Variants in ATP8B1 observed in about 807,000 individuals in gnomAD.
ATP8B1 encodes the protein ATPase phospholipid transporting 8B1.
In ATP8B1, 80 loss-of-function variants were observed where a neutral mutation model predicts 149.9. The observed-to-expected ratio is 0.53, with a 90% CI of 0.45 to 0.64. The LOEUF (loss-of-function observed/expected upper bound fraction) is 0.64, where lower values mean the gene tolerates loss of function less well. Ranked by LOEUF, ATP8B1 falls within the 30% of genes least tolerant of loss-of-function variation. The pLI is 0.00. For missense variants in ATP8B1, 1,247 were observed against 1,552.6 expected, an observed-to-expected ratio of 0.80 and a Z score of 3.31; for synonymous variants, 536 against 562.8, an observed-to-expected ratio of 0.95 and a Z score of 0.67.
rs1025701678 is a variant in ATP8B1 at position 57,650,336 on chromosome 18, C to G, written c.3531+31G>C. 3.1e-6 allele frequency: 5 copies of G among 1,608,132 alleles called. No individual in the cohort carries two copies. In the African/African-American group the frequency reaches 5.4e-5, roughly 17 times the overall value. On this transcript the variant is annotated intron_variant, in intron 27 of 27. Coordinates refer to ENST00000648908, the MANE Select transcript of ATP8B1 (RefSeq NM_001374385.1). ...GAAACGCTTTGGTTTCTGTGAGGGA[C>G]AGAGTTGGGAAAGGACTATATTCTT...
chr18:57,765,460 G>C (rs936323041), intron 1 of ATP8B1, among the ~76,000 whole-genome samples: 1 of 152,102 alleles, frequency 6.6e-6, no homozygotes, highest in Non-Finnish European at 1.5e-5. Flanking sequence ...ACAAGGTCAG[G>C]AGTTCGAGAC....
At chr18:57,713,607 C>T (rs1321157379) in intron 2 of ATP8B1, among the ~76,000 whole-genome samples, 1 of 151,768 alleles carries the variant, frequency 6.6e-6, no homozygotes, top group Non-Finnish European at 1.5e-5. Context: ...TCTCCTGCCT[C>T]AGCCTCCCGA....
rs530045096 is a variant in ATP8B1 at position 57,654,762 on chromosome 18, C to G, written c.2931+432G>C. ...AGTGCAATAGCGCAGTCTCGGCTCA[C>G]CACAACCTCTGCCTCCCAGGTTCAA... On this transcript the variant is annotated intron_variant, in intron 23 of 27. Coordinates refer to ENST00000648908, the MANE Select transcript of ATP8B1 (RefSeq NM_001374385.1). 1.1e-4 allele frequency among the ~76,000 whole-genome samples: 16 copies of G among 149,228 alleles called. No homozygotes were observed. The South Asian group carries it at 3.4e-3, about 32-fold the overall frequency.
intron 1 of ATP8B1, among the ~76,000 whole-genome samples, chr18:57,782,920 C>T (rs2080371306): frequency 7.1e-6 from 1 of 141,532 alleles, no homozygotes; most frequent in Non-Finnish European, 1.5e-5. Flanking sequence ...TCAAGCAATT[C>T]TCGTGGCTCA....
chr18:57,664,314 C>T (rs1235065262), intron 20 of ATP8B1, among the ~76,000 whole-genome samples: 1 of 151,468 alleles, frequency 6.6e-6, no homozygotes, highest in Admixed American at 6.6e-5. Flanking sequence ...CGCAGCCAGA[C>T]TGGCCAACAT....
chr18:57,694,047 T>C (rs1912676912), intron 11 of ATP8B1, among the ~76,000 whole-genome samples: 1 of 152,202 alleles, frequency 6.6e-6, no homozygotes, highest in Non-Finnish European at 1.5e-5. Flanking sequence ...TTGTAATGAC[T>C]CACAGCTGTG....
chr18:57,728,460 AAG>A (rs1447780559), intron 2 of ATP8B1, among the ~76,000 whole-genome samples: 1 of 152,102 alleles, frequency 6.6e-6, no homozygotes, highest in African/African-American at 2.4e-5. Flanking sequence ...GAAGAGGGCA[AAG>A]AGAGGAAGGG....
chr18:57,740,417 T>G (rs2079900881), intron 1 of ATP8B1: 1 of 152,126 alleles, frequency 6.6e-6, no homozygotes, highest in South Asian at 2.1e-4. Flanking sequence ...TTCTATATGT[T>G]CTATGCTATA....
At chr18:57,731,383 T>G in intron 2 of ATP8B1, 1 of 365,770 alleles carries the variant, frequency 2.7e-6, no homozygotes, top group Non-Finnish European at 5.1e-6. Flanking sequence ...ATACACACAC[T>G]AACAAAGACC....
intron 1 of ATP8B1, among the ~76,000 whole-genome samples, chr18:57,778,988 G>A (rs2080334968): frequency 6.6e-6 from 1 of 152,086 alleles, no homozygotes; most frequent in South Asian, 2.1e-4. Context: ...TCCAAATTTG[G>A]CCAAAAGTAG....
At chr18:57,669,101 T>C (rs1383582230) in intron 18 of ATP8B1, 4 of 408,552 alleles carry the variant, frequency 9.8e-6, no homozygotes, top group African/African-American at 2.1e-5. Flanking sequence ...TTAGAACTTC[T>C]CCTAATGTAT....
Position 57,652,526 on chromosome 18 carries a change from G to T in ATP8B1, c.3219C>A (p.Ala1073=), listed in dbSNP as rs199499992. The stretch of plus-strand genomic sequence containing the variant: ...TTACAAGAGCAGAGGCAATGGTGAC[G>T]GCAAAAGACTGGTAGTCGGAAGGTG... ...GEAPSDYQSF[A]VTIASALVIT... Residue 1073 remains alanine, a synonymous_variant, in exon 25 of 28, where the codon GCC becomes GCA. Transcript: ENST00000648908. 1 of 1,614,176 alleles carries T rather than the reference G, an allele frequency of 6.2e-7. No homozygotes were observed. The highest frequency in any genetic ancestry group is 8.5e-7 in the Non-Finnish European group (1 of 1,180,042).
At chr18:57,729,541 C>T (rs1212976564) in intron 2 of ATP8B1, among the ~76,000 whole-genome samples, 7 of 79,958 alleles carry the variant, frequency 8.8e-5, no homozygotes, top group African/African-American at 9.7e-5. Flanking sequence ...ATTCCATTTT[C>T]TTTCTTTCTT....
At position 57,655,348 on chromosome 18, in the gene ATP8B1, A is replaced by G. The variant is rs571757448; in HGVS notation, c.2777T>C (p.Phe926Ser). The G allele has an allele frequency of 6.2e-7, 1 of 1,614,236 alleles. No individual in the cohort carries two copies. The highest frequency in any genetic ancestry group is 1.7e-5 in the Admixed American group (1 of 60,018). Residue 926 changes from phenylalanine (F) to serine (S), a missense_variant, in exon 23 of 28, where the codon TTT becomes TCT. Around this residue, in one of 3 missense-constraint regions of ATP8B1, gnomAD observed 230 missense variants for 356.6 expected, o/e 0.65. Transcript: ENST00000648908. ...MQAVMSSDYS[F>S]AQFRYLQRLL... ...CCTCTGCAGATATCGGAACTGAGCA[A>G]AGGAATAGTCACTCGACATGACAGC...
At chr18:57,657,960 C>A (rs1199041932) in intron 22 of ATP8B1, among the ~76,000 whole-genome samples, 3 of 152,136 alleles carry the variant, frequency 2.0e-5, no homozygotes, top group Non-Finnish European at 4.4e-5. Flanking sequence ...CCTGAAATCT[C>A]AAATGCGGTG....
At chr18:57,764,416 T>C (rs2080189383) in intron 1 of ATP8B1, among the ~76,000 whole-genome samples, 1 of 123,352 alleles carries the variant, frequency 8.1e-6, no homozygotes, top group African/African-American at 2.9e-5. Context: ...TTTCTCTCTT[T>C]CTCTCTTTCT....
intron 1 of ATP8B1, among the ~76,000 whole-genome samples, chr18:57,760,158 TGAC>T (rs1391574188): frequency 6.6e-6 from 1 of 152,026 alleles, no homozygotes; most frequent in Admixed American, 6.6e-5. Flanking sequence ...GGGGAAAAAA[TGAC>T]TAAAAATTAT....
intron 6 of ATP8B1, 98 bp downstream of exon 6, chr18:57,700,941 T>TA: frequency 1.6e-6 from 2 of 1,266,408 alleles, no homozygotes; most frequent in South Asian, 2.4e-5. Flanking sequence ...GTTAATGTAC[T>TA]AATAGCCTTC....
chr18:57,682,397 T>C (rs1200643668), intron 15 of ATP8B1, among the ~76,000 whole-genome samples: 1 of 152,222 alleles, frequency 6.6e-6, no homozygotes, highest in Non-Finnish European at 1.5e-5. Context: ...GACTCATCTC[T>C]AGCATGTAGT....
Sources: allele counts gnomAD v4.1 joint callset (sites outside exome capture counted in the v4.1 genomes callset), GRCh38; gene constraint gnomAD v4.1.1; regional missense constraint gnomAD v4.1.1; transcripts MANE v1.5; gene names NCBI Gene and HGNC (gene_info 2026-07-23, HGNC 2026-07-21).